The following NUDT9 variants were observed in gnomAD, a reference collection of about 807,000 sequenced individuals.
NUDT9 encodes nudix hydrolase 9.
In NUDT9, 31 loss-of-function variants were observed where a neutral mutation model predicts 41.0. That is an observed-to-expected ratio of 0.76 (90% CI 0.57 to 1.02). NUDT9 has a LOEUF of 1.02. Among genes scored for constraint, NUDT9 ranks in the 50% least tolerant of loss-of-function variants. The pLI, the probability that NUDT9 is intolerant of heterozygous loss-of-function variation, is 0.00. For synonymous variants in NUDT9, 146 were observed against 147.6 expected (o/e 0.99, Z 0.08); for missense variants, 380 against 431.4 (o/e 0.88, Z 1.06).
At chr4:87,423,662 T>C (rs1390901677) in intron 1 of NUDT9, among the ~76,000 whole-genome samples, 1 of 152,212 alleles carries the variant, frequency 6.6e-6, no homozygotes, top group Admixed American at 6.5e-5. Flanking sequence ...TCCTAAATAA[T>C]TTACTTACTG....
At chr4:87,451,858 T>A in intron 6 of NUDT9, 123 bp downstream of exon 6, 1 of 795,758 alleles carries the variant, frequency 1.3e-6, no homozygotes, top group Non-Finnish European at 1.9e-6. Context: ...ATTTAAAATA[T>A]ATTCACAAAA....
chr4:87,436,020 C>G (rs962630556), intron 2 of NUDT9, among the ~76,000 whole-genome samples: 1 of 151,778 alleles, frequency 6.6e-6, no homozygotes, highest in African/African-American at 2.4e-5. Flanking sequence ...GACTGGTGCT[C>G]TCTCTCTCTG....
At chr4:87,438,460 C>A in intron 3 of NUDT9, 88 bp downstream of exon 3, 1 of 694,892 alleles carries the variant, frequency 1.4e-6, no homozygotes, top group East Asian at 2.7e-5. Context: ...TTGTATGTGC[C>A]AGATGTTGTA....
intron 1 of NUDT9, among the ~76,000 whole-genome samples, chr4:87,426,425 T>C (rs1036126111): frequency 6.6e-6 from 1 of 152,010 alleles, no homozygotes; most frequent in Non-Finnish European, 1.5e-5. Flanking sequence ...CTTTTTTTTT[T>C]TTGAGACAGA....
At chr4:87,457,697 A>G (rs1723048331) in intron 7 of NUDT9, 146 bp from the exon 8 acceptor site, 1 of 647,244 alleles carries the variant, frequency 1.5e-6, no homozygotes, top group African/African-American at 2.0e-5. Context: ...TCTGCTGACC[A>G]GGGATGGAAT....
At chr4:87,424,981 G>A (rs1181342472) in intron 1 of NUDT9, among the ~76,000 whole-genome samples, 1 of 152,150 alleles carries the variant, frequency 6.6e-6, no homozygotes, top group Non-Finnish European at 1.5e-5. Flanking sequence ...CCGGGGAGGT[G>A]GAGGTTGCAG....
intron 7 of NUDT9, among the ~76,000 whole-genome samples, chr4:87,454,930 G>A (rs1183304158): frequency 6.6e-6 from 1 of 152,110 alleles, no homozygotes; most frequent in South Asian, 2.1e-4. Flanking sequence ...AATGAATGCT[G>A]TTTCTGGTGT....
At chr4:87,425,111 T>G (rs1721350377) in intron 1 of NUDT9, among the ~76,000 whole-genome samples, 2 of 152,054 alleles carry the variant, frequency 1.3e-5, no homozygotes, top group African/African-American at 4.8e-5. Context: ...ATCCCAGTGC[T>G]TTGGAAGGCT....
intron 1 of NUDT9, among the ~76,000 whole-genome samples, chr4:87,425,437 A>G (rs1260716361): frequency 7.5e-6 from 1 of 133,452 alleles, no homozygotes; most frequent in African/African-American, 2.9e-5. Context: ...TCTCGTTGCC[A>G]AGGCTGGAGT....
chr4:87,438,348 A>G lies in NUDT9; in HGVS notation c.419A>G (p.Tyr140Cys), dbSNP rs114090367. 5 of 1,609,382 alleles carry G rather than the reference A, an allele frequency of 3.1e-6. No homozygotes were observed. The highest frequency in any genetic ancestry group is 2.2e-5 in the East Asian group (1 of 44,772). ...GAGAGAAAGAGCAAGAATGGCCTGT[A>G]TGAGATTGAAAATGGAAGACCGAGG... ...HVERKSKNGLYEIENGRPRNP... is the reference protein window; with the variant it reads ...HVERKSKNGLCEIENGRPRNP... Residue 140 changes from tyrosine (Y) to cysteine (C), a missense_variant, in exon 3 of 8, where the codon TAT (tyrosine) becomes TGT (cysteine). By Grantham distance (194) the Tyr-to-Cys change is radical. Coordinates refer to ENST00000302174, the MANE Select transcript of NUDT9 (RefSeq NM_024047.5).
intron 3 of NUDT9, among the ~76,000 whole-genome samples, chr4:87,439,517 T>G (rs6531995): frequency 6.6e-6 from 1 of 151,732 alleles, no homozygotes; most frequent in Admixed American, 6.6e-5. Context: ...TTAGCTGGGC[T>G]TGGTGGCGGG....
chr4:87,441,774 C>T, intron 3 of NUDT9, 55 bp from the exon 4 acceptor site: 3 of 1,375,024 alleles, frequency 2.2e-6, no homozygotes, highest in Non-Finnish European at 3.1e-6. Context: ...TATATCAAAT[C>T]AGGTTAAAAA....
intron 1 of NUDT9, among the ~76,000 whole-genome samples, chr4:87,433,493 G>C (rs1256090179): frequency 1.3e-5 from 2 of 152,182 alleles, no homozygotes; most frequent in Non-Finnish European, 2.9e-5. Context: ...CACTGTATGA[G>C]ATCAGGAGGC....
chr4:87,422,963 G>T lies in NUDT9; in HGVS notation c.58G>T (p.Ala20Ser). 1 of 1,613,246 alleles carries T rather than the reference G, an allele frequency of 6.2e-7. No homozygotes were observed. The highest frequency in any genetic ancestry group is 8.5e-7 in the Non-Finnish European group (1 of 1,179,776). The change falls in exon 1 of 8, where the codon GCC becomes TCC. Residue 20 changes from alanine to serine, a missense_variant. Ala to Ser is a moderately conservative substitution (Grantham distance 99). Coordinates refer to ENST00000302174, the MANE Select transcript of NUDT9 (RefSeq NM_024047.5). ...LAAVSLSLAL[A>S]SVTIRSSRCR... ...CGCGGTGTCTCTCTCTCTGGCCTTG[G>T]CCTCTGTGACTATCAGGTCCTCGCG...
chr4:87,445,490 C>T (rs1722404540), intron 4 of NUDT9: 1 of 152,156 alleles, frequency 6.6e-6, no homozygotes, highest in African/African-American at 2.4e-5. Flanking sequence ...CCAGGCATCT[C>T]TCCTAGAGAT....
intron 4 of NUDT9, among the ~76,000 whole-genome samples, chr4:87,443,276 T>C (rs1722294854): frequency 6.6e-6 from 1 of 152,230 alleles, no homozygotes; most frequent in African/African-American, 2.4e-5. Context: ...TGCACATGTA[T>C]ATTACATAAA....
intron 6 of NUDT9, among the ~76,000 whole-genome samples, chr4:87,452,996 G>T (rs1722825750): frequency 6.6e-6 from 1 of 151,932 alleles, no homozygotes; most frequent in African/African-American, 2.4e-5. Context: ...ATTTTTAGTA[G>T]TGACGGGGTT....
intron 5 of NUDT9, among the ~76,000 whole-genome samples, chr4:87,449,975 G>C (rs774768394): frequency 6.6e-6 from 1 of 151,960 alleles, no homozygotes; most frequent in African/African-American, 2.4e-5. Flanking sequence ...CAATTCTTGT[G>C]CCTCAGTCTC....
At chr4:87,432,829 C>G (rs1386853894) in intron 1 of NUDT9, among the ~76,000 whole-genome samples, 1 of 151,702 alleles carries the variant, frequency 6.6e-6, no homozygotes, top group Non-Finnish European at 1.5e-5. Flanking sequence ...TTATATAGAA[C>G]CATCATTGGA....
Sources: allele counts gnomAD v4.1 joint callset (sites outside exome capture counted in the v4.1 genomes callset), GRCh38; gene constraint gnomAD v4.1.1; transcripts MANE v1.5; gene names NCBI Gene and HGNC (gene_info 2026-07-23, HGNC 2026-07-21).